SPATA13: variants seen among roughly 807,000 people sequenced by gnomAD.
The protein encoded by SPATA13 is spermatogenesis associated 13.
Under a neutral mutation model 104.0 loss-of-function variants are expected in SPATA13, and 50 were observed. That is an observed-to-expected ratio of 0.48 (90% CI 0.38 to 0.61). SPATA13 has a LOEUF of 0.61. Among genes scored for constraint, SPATA13 ranks in the 20% least tolerant of loss-of-function variants. SPATA13 has a pLI of 0.00. For synonymous variants in SPATA13, 606 were observed against 667.5 expected (o/e 0.91, Z 1.42); for missense variants, 1,524 against 1,690.6 (o/e 0.90, Z 1.73).
intron 2 of SPATA13, among the ~76,000 whole-genome samples, chr13:24,010,903 T>C (rs1233321732): frequency 6.7e-6 from 1 of 150,132 alleles, no homozygotes; most frequent in African/African-American, 2.5e-5. Flanking sequence ...CATTCCAGCA[T>C]GTCAAATGGT....
intron 3 of SPATA13, among the ~76,000 whole-genome samples, chr13:24,033,320 G>T (rs1877548242): frequency 6.6e-6 from 1 of 152,190 alleles, no homozygotes. Flanking sequence ...GCATGGAGAG[G>T]CTCCTTTCTA....
intron 3 of SPATA13, among the ~76,000 whole-genome samples, chr13:24,037,208 T>TG (rs1369666051): frequency 1.3e-5 from 1 of 76,568 alleles, no homozygotes; most frequent in African/African-American, 5.3e-5. Context: ...TGTCATAGGG[T>TG]GGGGGGAGGG....
chr13:24,154,784 G>A (rs1224715411), intron 3 of SPATA13, among the ~76,000 whole-genome samples: 2 of 152,220 alleles, frequency 1.3e-5, no homozygotes, highest in East Asian at 3.8e-4. Flanking sequence ...TTGACTGGGG[G>A]AGAATTTGCT....
At chr13:24,127,882 C>T (rs1001588227) in intron 3 of SPATA13, among the ~76,000 whole-genome samples, 4 of 152,228 alleles carry the variant, frequency 2.6e-5, no homozygotes, top group African/African-American at 9.7e-5. Flanking sequence ...CTTACTCTTC[C>T]TACCGAATTG....
intron 4 of SPATA13, chr13:24,270,615 C>A: frequency 1.3e-6 from 1 of 781,642 alleles, no homozygotes; most frequent in Non-Finnish European, 2.0e-6. Flanking sequence ...GTTTAGAATT[C>A]TCTCCTGAAG....
chr13:24,139,186 C>T (rs1238366814), intron 3 of SPATA13, among the ~76,000 whole-genome samples: 1 of 152,142 alleles, frequency 6.6e-6, no homozygotes, highest in Non-Finnish European at 1.5e-5. Context: ...CCTCTGTCTT[C>T]ACACAGCTTT....
intron 3 of SPATA13, among the ~76,000 whole-genome samples, chr13:24,065,225 T>C (rs968823016): frequency 6.6e-6 from 1 of 152,160 alleles, no homozygotes; most frequent in Admixed American, 6.5e-5. Context: ...CAGGTGGTCA[T>C]TGGGCCACCA....
intron 2 of SPATA13, among the ~76,000 whole-genome samples, chr13:23,997,555 G>T (rs61945306): frequency 0.77 from 116,759 of 151,930 alleles, 45,070 homozygotes; most frequent in African/African-American, 0.81. Flanking sequence ...ATTTTGCATT[G>T]CTATAGAGAA....
chr13:24,259,472 G>T (rs1467176376), intron 4 of SPATA13, among the ~76,000 whole-genome samples: 1 of 152,236 alleles, frequency 6.6e-6, no homozygotes, highest in Admixed American at 6.5e-5. Context: ...TTAAGGCTCA[G>T]TGGTTTCAAA....
chr13:24,192,244 C>T (rs1199340625), intron 1 of SPATA13, among the ~76,000 whole-genome samples: 3 of 152,166 alleles, frequency 2.0e-5, no homozygotes, highest in East Asian at 3.9e-4. Flanking sequence ...TCCCCCCACA[C>T]CTTATCTGCC....
At chr13:24,055,275 A>T (rs111540377) in intron 3 of SPATA13, among the ~76,000 whole-genome samples, 5 of 152,194 alleles carry the variant, frequency 3.3e-5, no homozygotes, top group Admixed American at 1.3e-4. Context: ...CTTCAGTGTT[A>T]TAGATGTTAT....
intron 1 of SPATA13, among the ~76,000 whole-genome samples, chr13:24,198,904 G>C (rs1000754599): frequency 1.3e-5 from 2 of 151,244 alleles, no homozygotes; most frequent in African/African-American, 4.9e-5. Context: ...TTGATTAAAG[G>C]ATTGTATTTT....
chr13:24,123,189 G>T, intron 3 of SPATA13: 1 of 1,348,480 alleles, frequency 7.4e-7, no homozygotes, highest in Non-Finnish European at 1.1e-6. Flanking sequence ...TCTGATGAAT[G>T]GTGTGATATA....
chr13:24,229,703 T>TA (rs898741502), intron 2 of SPATA13, among the ~76,000 whole-genome samples: 19 of 151,102 alleles, frequency 1.3e-4, no homozygotes, highest in South Asian at 2.1e-4. Context: ...TCATGCTACT[T>TA]AAAAAAAAAG....
chr13:24,021,193 A>G (rs1271798331), intron 3 of SPATA13, among the ~76,000 whole-genome samples: 1 of 152,256 alleles, frequency 6.6e-6, no homozygotes, highest in African/African-American at 2.4e-5. Flanking sequence ...GCTGGCCTCT[A>G]AGAAGGGCTG....
intron 4 of SPATA13, among the ~76,000 whole-genome samples, chr13:24,264,426 CT>C (rs67290990): frequency 0.06 from 9,179 of 152,140 alleles, 375 homozygotes; most frequent in Non-Finnish European, 0.087. Context: ...TATTCGGTAA[CT>C]TTTCCTAGCT....
chr13:24,119,530 G>A (rs1324626626), intron 3 of SPATA13, among the ~76,000 whole-genome samples: 1 of 152,162 alleles, frequency 6.6e-6, no homozygotes, highest in Non-Finnish European at 1.5e-5. Flanking sequence ...AGCTTCTTCT[G>A]GAGAATGCTT....
chr13:24,071,363 A>C (rs1001917252), intron 3 of SPATA13, among the ~76,000 whole-genome samples: 7 of 152,206 alleles, frequency 4.6e-5, no homozygotes, highest in Admixed American at 4.6e-4. Context: ...GTTTAAGTGG[A>C]ATAATAACAT....
In SPATA13 at chr13:24,084,164, T is replaced by C. The variant is rs367818796; in HGVS notation, c.-112+66463T>C. Among the ~76,000 whole-genome samples the C allele has an allele frequency of 3.9e-4, 59 of 152,252 alleles. 1 individual carries two copies. In the South Asian group the frequency reaches 0.011, roughly 28 times the overall value. On this transcript the variant is annotated intron_variant, in intron 3 of 14. Coordinates refer to the SPATA13 transcript ENST00000424834. ...CTGATCCTAATTATCTTCCGTAACT[T>C]AGCAACAAGCGAGACGAGAGAAGAA...
Sources: gnomAD v4.1 joint callset for allele counts (sites outside exome capture counted in the v4.1 genomes callset) on GRCh38, gnomAD v4.1.1 for gene constraint, MANE v1.5 for transcripts, NCBI Gene and HGNC (gene_info 2026-07-23, HGNC 2026-07-21) for gene names.